The following MLIP variants were observed in gnomAD, a reference collection of about 807,000 sequenced individuals.
MLIP encodes muscular LMNA-interacting protein.
MLIP carries 79 observed loss-of-function variants against 84.8 expected under a neutral mutation model. The ratio of observed to expected loss-of-function variants is 0.93; its 90% CI spans 0.78 to 1.12. MLIP has a LOEUF of 1.12. Ranked by LOEUF, MLIP falls within the 50% of genes most tolerant of loss-of-function variation. The pLI is 0.00. For missense variants in MLIP, 1,257 were observed against 1,160.6 expected (o/e 1.08, Z -1.21); for synonymous variants, 504 against 463.0 (o/e 1.09, Z -1.14).
chr6:54,093,214 A>G (rs763497997), intron 1 of MLIP, among the ~76,000 whole-genome samples: 3 of 152,108 alleles, frequency 2.0e-5, no homozygotes, highest in Non-Finnish European at 2.9e-5. Context: ...GAGCTCTCAG[A>G]TCATCTGGTC....
chr6:54,222,928 A>G (rs1240416151), intron 11 of MLIP, among the ~76,000 whole-genome samples: 1 of 151,986 alleles, frequency 6.6e-6, no homozygotes, highest in Non-Finnish European at 1.5e-5. Flanking sequence ...ATGATAGCTC[A>G]TGGTGGTTTT....
At chr6:54,238,937 A>T (rs537876109) in intron 12 of MLIP, among the ~76,000 whole-genome samples, 4 of 152,298 alleles carry the variant, frequency 2.6e-5, no homozygotes, top group African/African-American at 7.2e-5. Context: ...TTTTATTTCA[A>T]GTCTGCTTCT....
intron 11 of MLIP, chr6:54,216,516 T>C: frequency 1.0e-6 from 1 of 985,380 alleles, no homozygotes; most frequent in Non-Finnish European, 1.2e-6. Context: ...ATGCCATCTG[T>C]TCTGTGAAAC....
At chr6:54,172,754 T>C (rs998729087) in intron 9 of MLIP, among the ~76,000 whole-genome samples, 14 of 151,262 alleles carry the variant, frequency 9.3e-5, no homozygotes, top group Middle Eastern at 3.2e-3. Flanking sequence ...CTCAAAATAA[T>C]GTTTCTTTCT....
chr6:54,153,834 A>G (rs1582303399), intron 5 of MLIP, among the ~76,000 whole-genome samples: 1 of 140,468 alleles, frequency 7.1e-6, no homozygotes, highest in Non-Finnish European at 1.5e-5. Context: ...CCTGGGTGAC[A>G]GAGTGAGACT....
At chr6:54,029,682 A>G (rs1287114712) in intron 1 of MLIP, among the ~76,000 whole-genome samples, 1 of 152,156 alleles carries the variant, frequency 6.6e-6, no homozygotes, top group African/African-American at 2.4e-5. Context: ...AAATCATTGC[A>G]TAAGTTATGT....
chr6:54,122,271 T>G (rs1472781654), intron 2 of MLIP, among the ~76,000 whole-genome samples: 1 of 152,176 alleles, frequency 6.6e-6, no homozygotes, highest in Non-Finnish European at 1.5e-5. Context: ...AAAGTTATAC[T>G]GATGGTAATT....
chr6:54,257,830 A>G (rs1188674893), intron 13 of MLIP, among the ~76,000 whole-genome samples: 3 of 152,014 alleles, frequency 2.0e-5, no homozygotes, highest in Non-Finnish European at 4.4e-5. Context: ...AATTTTATAT[A>G]TGGCATGCAG....
At chr6:54,231,800 A>T in intron 12 of MLIP, among the ~76,000 whole-genome samples, 1 of 152,212 alleles carries the variant, frequency 6.6e-6, no homozygotes, top group East Asian at 1.9e-4. Flanking sequence ...AATCAAGATC[A>T]TCTTCCAGAA....
At chr6:54,042,371 T>C (rs1322512039) in intron 1 of MLIP, among the ~76,000 whole-genome samples, 2 of 152,106 alleles carry the variant, frequency 1.3e-5, no homozygotes, top group African/African-American at 4.8e-5. Flanking sequence ...CTCCTCATCC[T>C]CCTCTTCCTT....
At chr6:54,027,414 CACACACAT>C (rs1288922563) in intron 1 of MLIP, among the ~76,000 whole-genome samples, 8 of 81,974 alleles carry the variant, frequency 9.8e-5, no homozygotes, top group African/African-American at 1.5e-4. Context: ...CACACACACA[CACACACAT>C]ATATACATAA....
chr6:54,130,160 C>T (rs1436127403), intron 3 of MLIP, among the ~76,000 whole-genome samples: 1 of 152,000 alleles, frequency 6.6e-6, no homozygotes, highest in Non-Finnish European at 1.5e-5. Flanking sequence ...TGGCAGAATC[C>T]CTATAGTCCC....
intron 12 of MLIP, among the ~76,000 whole-genome samples, chr6:54,256,511 A>G (rs16885122): frequency 0.15 from 23,189 of 152,140 alleles, 2,199 homozygotes; most frequent in African/African-American, 0.27. Context: ...GTGATTCTAA[A>G]GCTGGAGCTA....
intron 11 of MLIP, among the ~76,000 whole-genome samples, chr6:54,222,474 C>T (rs1328197474): frequency 6.6e-6 from 1 of 152,120 alleles, no homozygotes; most frequent in East Asian, 1.9e-4. Flanking sequence ...CACTATTTGT[C>T]TTTCTGTGTC....
At chr6:54,243,938 G>A (rs1317132931) in intron 12 of MLIP, among the ~76,000 whole-genome samples, 1 of 152,156 alleles carries the variant, frequency 6.6e-6, no homozygotes, top group East Asian at 1.9e-4. Context: ...CTGGGCTTAT[G>A]AATTCCACAA....
chr6:54,163,852 A>T (rs1774905065), intron 8 of MLIP, among the ~76,000 whole-genome samples: 1 of 151,980 alleles, frequency 6.6e-6, no homozygotes, highest in African/African-American at 2.4e-5. Flanking sequence ...GTATAAAGCA[A>T]GATCTTTTTG....
chr6:54,067,642 T>C lies in MLIP; in HGVS notation c.63+48551T>C, dbSNP rs1478240069. ...CTCTTCTAAACAGGCAATCAGCATT[T>C]TGAGATTCTCTTAGGTTGAAGCGCT... On this transcript the variant is annotated intron_variant, in intron 1 of 12. Transcript: ENST00000274897. 2.0e-5 allele frequency among the ~76,000 whole-genome samples: 2 copies of C among 101,422 alleles called. 1 individual carries two copies. Among genetic ancestry groups the C allele is most frequent in the African/African-American group, 5.1e-5 (2 of 39,430 alleles). 66.5% of individuals were successfully genotyped at this position (101,422 alleles called of 152,430 possible). A position where few individuals can be genotyped will look rare whatever the true frequency, so the allele number is the denominator to read the frequency against.
chr6:54,207,895 G>A (rs898044742), intron 11 of MLIP, among the ~76,000 whole-genome samples: 3 of 152,154 alleles, frequency 2.0e-5, no homozygotes, highest in African/African-American at 7.2e-5. Flanking sequence ...GGAGGCCGAG[G>A]TGGGCGGATC....
intron 5 of MLIP, among the ~76,000 whole-genome samples, chr6:54,158,019 T>G (rs557468263): frequency 6.6e-6 from 1 of 152,216 alleles, no homozygotes; most frequent in African/African-American, 2.4e-5. Context: ...TGGTAAAATT[T>G]TATCTTTTAA....
Sources: gnomAD v4.1 joint callset for allele counts (sites outside exome capture counted in the v4.1 genomes callset) on GRCh38, gnomAD v4.1.1 for gene constraint, MANE v1.5 for transcripts, NCBI Gene and HGNC (gene_info 2026-07-23, HGNC 2026-07-21) for gene names.